Variants in DDX60 observed in about 807,000 individuals in gnomAD.
DDX60 encodes probable ATP-dependent RNA helicase DDX60.
DDX60 carries 165 observed loss-of-function variants against 212.8 expected under a neutral mutation model. The observed-to-expected ratio is 0.78, with a 90% CI of 0.68 to 0.88. DDX60 has a LOEUF of 0.88. Among genes scored for constraint, DDX60 ranks in the 40% least tolerant of loss-of-function variants. The probability of loss-of-function intolerance (pLI) is 0.00; values close to 1 mark genes in which losing one functional copy is unlikely to be tolerated. For synonymous variants in DDX60, 703 were observed against 685.3 expected (o/e 1.03, Z -0.40); for missense variants, 1,905 against 2,003.9 (o/e 0.95, Z 0.94).
rs186761416 is a variant in DDX60, at chr4:168,282,887, T to C, written c.1722+559A>G. Among the ~76,000 whole-genome samples the C allele has an allele frequency of 2.0e-3, 299 of 152,226 alleles. 2 individuals are homozygous for C. The highest frequency in any genetic ancestry group is 6.7e-3 in the African/African-American group (279 of 41,546). ...GAACTTTCCTTATTTACTCCTTGTATTCCATCCCCAGTTACGTCTCCCAGG... is the reference window on the plus strand; with the variant it reads ...GAACTTTCCTTATTTACTCCTTGTACTCCATCCCCAGTTACGTCTCCCAGG... On this transcript the variant is annotated intron_variant, in intron 13 of 37. Coordinates refer to ENST00000393743, the MANE Select transcript of DDX60 (RefSeq NM_017631.6).
chr4:168,259,685 T>C (rs1475641030), intron 25 of DDX60, among the ~76,000 whole-genome samples: 1 of 150,252 alleles, frequency 6.7e-6, no homozygotes, highest in Non-Finnish European at 1.5e-5. Context: ...TTACCAAAGT[T>C]AATCCAGGAT....
At chr4:168,289,360 A>G (rs1046776490) in intron 8 of DDX60, among the ~76,000 whole-genome samples, 1 of 152,100 alleles carries the variant, frequency 6.6e-6, no homozygotes, top group African/African-American at 2.4e-5. Context: ...AGGACAACCC[A>G]TTCTCCTTGA....
upstream of DDX60, among the ~76,000 whole-genome samples, chr4:168,321,641 C>A (rs555722894): frequency 1.3e-5 from 2 of 152,246 alleles, no homozygotes; most frequent in South Asian, 4.1e-4. Flanking sequence ...TCTGATAACT[C>A]CATATTCCAG....
At position 168,269,772 on chromosome 4, in the gene DDX60, C is replaced by T. The variant is rs1735012208; in HGVS notation, c.2671-803G>A. ...CTGGCTTTATCTCAATCCACTGTCT[C>T]CACCTTTACTATGGTCCAGAAAGAA... On this transcript the variant is annotated intron_variant, in intron 19 of 37. Transcript: ENST00000393743. Among the ~76,000 whole-genome samples the T allele has an allele frequency of 2.0e-5, 3 of 152,134 alleles. 1 individual carries two copies. The highest frequency in any genetic ancestry group is 7.2e-5 in the African/African-American group (3 of 41,422).
Position 168,287,945 on chromosome 4 carries a change from CAT to C in DDX60, c.1183+227_1183+228del, listed in dbSNP as rs773839001. ...TAACTGAAAATGCTGGACACGCAAACATATATTTTCTCCTGAAATACTTTTAA... is the reference window on the plus strand; with the variant it reads ...TAACTGAAAATGCTGGACACGCAAACATATTTTCTCCTGAAATACTTTTAA... On this transcript the variant is annotated intron_variant, in intron 9 of 37. Coordinates refer to ENST00000393743, the MANE Select transcript of DDX60 (RefSeq NM_017631.6). Among the ~76,000 whole-genome samples the C allele has an allele frequency of 3.3e-5, 5 of 152,156 alleles. No homozygotes were observed. The East Asian group carries it at 9.7e-4, about 29-fold the overall frequency.
chr4:168,298,928 C>A (rs571890427), intron 6 of DDX60, among the ~76,000 whole-genome samples: 17 of 151,918 alleles, frequency 1.1e-4, no homozygotes, highest in Non-Finnish European at 2.2e-4. Context: ...GTTGGGAGGC[C>A]AAGGAGGGCA....
At chr4:168,315,246 T>C (rs1404676011) in intron 1 of DDX60, among the ~76,000 whole-genome samples, 1 of 152,170 alleles carries the variant, frequency 6.6e-6, no homozygotes, top group Non-Finnish European at 1.5e-5. Context: ...ACAGAATTAA[T>C]TAAAATAAGC....
rs575776533 is a variant in DDX60 at position 168,267,582 on chromosome 4, A to T, written c.3039T>A (p.His1013Gln). The change falls in exon 22 of 38, where the codon CAT becomes CAA. Residue 1013 changes from histidine (H) to glutamine (Q), a missense_variant and splice_region_variant. Physicochemically the swap from His to Gln is conservative, Grantham distance 24. Coordinates refer to ENST00000393743, the MANE Select transcript of DDX60 (RefSeq NM_017631.6). ...CAAATATGGCTAAAATATTACCTAC[A>T]TGATCTGTTGTTAGTGCAGCACATG... is the stretch of plus-strand genomic sequence containing the variant. ...FHPCAALTTDHIERYGFPPDL... is the reference protein window; with the variant it reads ...FHPCAALTTDQIERYGFPPDL... The T allele has an allele frequency of 4.6e-6, 7 of 1,514,088 alleles. No homozygotes were observed. The highest frequency in any genetic ancestry group is 6.2e-6 in the Non-Finnish European group (7 of 1,120,754). 93.8% of individuals were successfully genotyped at this position (1,514,088 alleles called of 1,614,324 possible). A position where few individuals can be genotyped will look rare whatever the true frequency, so the allele number is the denominator to read the frequency against.
chr4:168,281,589 A>G (rs1422880328), intron 13 of DDX60, among the ~76,000 whole-genome samples: 1 of 152,240 alleles, frequency 6.6e-6, no homozygotes, highest in Admixed American at 6.5e-5. Flanking sequence ...CTCTTCCTCA[A>G]TAAGCACTTC....
At position 168,310,992 on chromosome 4, in the gene DDX60, A is replaced by G. The variant is rs1444390970; in HGVS notation, c.74+6T>C. The G allele has an allele frequency of 1.3e-6, 2 of 1,504,812 alleles. No individual in the cohort carries two copies. Among genetic ancestry groups the G allele is most frequent in the Non-Finnish European group, 1.8e-6 (2 of 1,084,546 alleles). 93.2% of individuals were successfully genotyped at this position (1,504,812 alleles called of 1,614,324 possible). A position where few individuals can be genotyped will look rare whatever the true frequency, so the allele number is the denominator to read the frequency against. On this transcript the variant is annotated splice_donor_region_variant and intron_variant, in intron 3 of 37. Transcript: ENST00000393743. ...TTCCCGTCTTTATTACTATAATAAT[A>G]CTCACTCAGCTTTTGGCATTTCATT...
Position 168,284,806 on chromosome 4 carries a change from G to A in DDX60, c.1561+14C>T, listed in dbSNP as rs375310669. 10 of 1,305,074 alleles carry A rather than the reference G, an allele frequency of 7.7e-6. No individual in the cohort carries two copies. In the African/African-American group the frequency reaches 1.5e-4, roughly 19 times the overall value. The allele number at this position is 1,305,074 out of a possible 1,614,324, so 80.8% of individuals were successfully genotyped here. On this transcript the variant is annotated intron_variant, in intron 12 of 37. Transcript: ENST00000393743. The stretch of plus-strand genomic sequence containing the variant: ...GTAGATTTAAATTTATATCACTGGA[G>A]TCACAGAGCTTACCATCAAACTGAC...
At chr4:168,293,197 C>T (rs1279334202) in intron 7 of DDX60, among the ~76,000 whole-genome samples, 1 of 152,148 alleles carries the variant, frequency 6.6e-6, no homozygotes, top group Admixed American at 6.5e-5. Context: ...CCAACAGATT[C>T]TTAATGGACC....
At chr4:168,239,380 A>T (rs571674888) in intron 30 of DDX60, among the ~76,000 whole-genome samples, 1 of 115,310 alleles carries the variant, frequency 8.7e-6, no homozygotes, top group East Asian at 3.3e-4. Flanking sequence ...GAAGGAAGAT[A>T]GATAGATAGA....
intron 30 of DDX60, among the ~76,000 whole-genome samples, chr4:168,243,907 T>C (rs746283917): frequency 3.3e-5 from 5 of 150,894 alleles, no homozygotes; most frequent in Non-Finnish European, 7.4e-5. Flanking sequence ...ATATACACCA[T>C]GGAATACTAT....
chr4:168,237,247 A>T, intron 32 of DDX60, 39 bp downstream of exon 32: 1 of 1,301,716 alleles, frequency 7.7e-7, no homozygotes, highest in Non-Finnish European at 1.0e-6. Context: ...CTATTTTTGG[A>T]CTCTCTCTCT....
At chr4:168,305,748 A>G (rs1315216590) in intron 5 of DDX60, among the ~76,000 whole-genome samples, 3 of 151,832 alleles carry the variant, frequency 2.0e-5, no homozygotes, top group Non-Finnish European at 4.4e-5. Flanking sequence ...ATGTATCAAA[A>G]TAATAACATC....
chr4:168,254,321 A>G (rs1734326516), intron 26 of DDX60, among the ~76,000 whole-genome samples: 1 of 152,154 alleles, frequency 6.6e-6, no homozygotes, highest in Admixed American at 6.5e-5. Context: ...TATAACTTGA[A>G]GTCACTAAGA....
chr4:168,236,476 A>G (rs771916457), intron 32 of DDX60, 103 bp from the exon 33 acceptor site: 103 of 1,053,322 alleles, frequency 9.8e-5, no homozygotes, highest in Non-Finnish European at 1.3e-4. Flanking sequence ...TGGAAACTAA[A>G]AATTTATGAC....
chr4:168,301,467 C>T (rs1012135287), intron 6 of DDX60, among the ~76,000 whole-genome samples: 1 of 152,098 alleles, frequency 6.6e-6, no homozygotes, highest in South Asian at 2.1e-4. Flanking sequence ...AGAACACAAG[C>T]GCCAACCTAA....
Sources: gnomAD v4.1 joint callset for allele counts (sites outside exome capture counted in the v4.1 genomes callset) on GRCh38, gnomAD v4.1.1 for gene constraint, MANE v1.5 for transcripts, NCBI Gene and HGNC (gene_info 2026-07-23, HGNC 2026-07-21) for gene names.